DLGAP2: variants seen among roughly 807,000 people sequenced by gnomAD.
DLGAP2 encodes disks large-associated protein 2.
A neutral mutation model predicts 100.3 loss-of-function variants in DLGAP2; 26 were observed. That is an observed-to-expected ratio of 0.26 (90% CI 0.19 to 0.36). The LOEUF (loss-of-function observed/expected upper bound fraction) is 0.36. Ranked by LOEUF, DLGAP2 falls within the 10% of genes least tolerant of loss-of-function variation. The pLI, the probability that DLGAP2 is intolerant of heterozygous loss-of-function variation, is 1.00. For missense variants in DLGAP2, 1,858 were observed against 1,453.2 expected (o/e 1.28, Z -4.53); for synonymous variants, 886 against 630.1 (o/e 1.41, Z -6.08).
At chr8:1,300,228 A>T (rs558474044) in intron 3 of DLGAP2, 3 of 152,230 alleles carry the variant, frequency 2.0e-5, no homozygotes, top group East Asian at 3.9e-4. Context: ...CAAAGTGTGC[A>T]TATGTGTACA....
intron 2 of DLGAP2, among the ~76,000 whole-genome samples, chr8:1,022,621 T>G (rs1801660208): frequency 7.0e-6 from 1 of 142,730 alleles, no homozygotes. Flanking sequence ...CGTGCTTAGG[T>G]AGATGCTCCA....
intron 3 of DLGAP2, among the ~76,000 whole-genome samples, chr8:1,470,166 G>C (rs1798740615): frequency 6.6e-6 from 1 of 152,054 alleles, no homozygotes; most frequent in Non-Finnish European, 1.5e-5. Flanking sequence ...TGTCTCCAAA[G>C]AAAAGCCTCA....
intron 7 of DLGAP2, 144 bp downstream of exon 7, chr8:1,627,031 G>A: frequency 3.1e-6 from 3 of 968,848 alleles, no homozygotes; most frequent in Non-Finnish European, 4.5e-6. Flanking sequence ...GGTTCCCCTG[G>A]AATTAGCTCT....
intron 3 of DLGAP2, among the ~76,000 whole-genome samples, chr8:1,359,246 C>G (rs1350839113): frequency 6.6e-6 from 1 of 152,228 alleles, no homozygotes; most frequent in Non-Finnish European, 1.5e-5. Context: ...CGGGACGCAT[C>G]CCCTTCTCCT....
intron 2 of DLGAP2, among the ~76,000 whole-genome samples, chr8:1,206,862 A>G (rs1218212304): frequency 1.3e-5 from 2 of 152,114 alleles, no homozygotes; most frequent in East Asian, 3.9e-4. Context: ...TTCCTATGTC[A>G]GCCTTCTCAC....
intron 3 of DLGAP2, among the ~76,000 whole-genome samples, chr8:1,459,960 A>C (rs950821599): frequency 6.6e-6 from 1 of 152,182 alleles, no homozygotes; most frequent in African/African-American, 2.4e-5. Flanking sequence ...GGCAAAAAGT[A>C]CTCACAGAGG....
intron 2 of DLGAP2, among the ~76,000 whole-genome samples, chr8:1,244,515 A>G (rs1465112540): frequency 1.3e-5 from 2 of 152,240 alleles, no homozygotes; most frequent in Non-Finnish European, 2.9e-5. Context: ...CTGCCTCACC[A>G]AAGGGTCAAT....
chr8:1,286,301 A>G (rs1418378397), intron 3 of DLGAP2, among the ~76,000 whole-genome samples: 1 of 152,200 alleles, frequency 6.6e-6, no homozygotes, highest in Non-Finnish European at 1.5e-5. Context: ...CTTTGAGTCA[A>G]TTAAACTTCT....
At chr8:1,683,569 TATC>T (rs1190332597) in intron 12 of DLGAP2, among the ~76,000 whole-genome samples, 1 of 150,874 alleles carries the variant, frequency 6.6e-6, no homozygotes, top group Admixed American at 6.6e-5. Context: ...ATTTGACATT[TATC>T]ATCCACAGAC....
At chr8:1,219,679 T>C (rs1287662497) in intron 2 of DLGAP2, among the ~76,000 whole-genome samples, 1 of 152,070 alleles carries the variant, frequency 6.6e-6, no homozygotes, top group Non-Finnish European at 1.5e-5. Flanking sequence ...GGAATAGTTT[T>C]GTTGGTTTTG....
chr8:979,962 G>C (rs543876067), intron 2 of DLGAP2, among the ~76,000 whole-genome samples: 1 of 152,204 alleles, frequency 6.6e-6, no homozygotes, highest in Non-Finnish European at 1.5e-5. Context: ...GAGGCACGCA[G>C]AACCATGGAG....
chr8:962,354 C>G (rs773263733), intron 2 of DLGAP2, among the ~76,000 whole-genome samples: 1 of 152,186 alleles, frequency 6.6e-6, no homozygotes, highest in Non-Finnish European at 1.5e-5. Context: ...TCAGTGCCAT[C>G]CGGTCTCCAT....
intron 3 of DLGAP2, among the ~76,000 whole-genome samples, chr8:1,477,689 C>A (rs1421706939): frequency 3.3e-5 from 5 of 152,116 alleles, no homozygotes; most frequent in African/African-American, 4.8e-5. Context: ...TTATTTACTT[C>A]CCTGACATTT....
In DLGAP2 at chr8:1,294,155, G is replaced by A. The variant is rs564145290; in HGVS notation, c.106+35272G>A. 6.0e-4 allele frequency among the ~76,000 whole-genome samples: 91 copies of A among 152,236 alleles called. 1 individual carries two copies. In the Middle Eastern group the frequency reaches 0.014, roughly 23 times the overall value. On this transcript the variant is annotated intron_variant, in intron 3 of 14. Coordinates refer to ENST00000637795, the MANE Select transcript of DLGAP2 (RefSeq NM_001346810.2). ...CATCACCTCCCGAAACTGTATGGAG[G>A]AGCTGGTCTTCCCTCAGGGTCCCAC...
intron 2 of DLGAP2, among the ~76,000 whole-genome samples, chr8:1,115,852 A>T (rs531513651): frequency 6.6e-6 from 1 of 152,162 alleles, no homozygotes; most frequent in Non-Finnish European, 1.5e-5. Flanking sequence ...TCAGTCATTT[A>T]TCCCTGCCAC....
At chr8:1,578,318 T>C (rs1424129648) in intron 6 of DLGAP2, among the ~76,000 whole-genome samples, 1 of 152,178 alleles carries the variant, frequency 6.6e-6, no homozygotes, top group Non-Finnish European at 1.5e-5. Flanking sequence ...GACTTGCTAA[T>C]TGTATTTAAT....
chr8:879,623 C>T (rs1295773915), intron 1 of DLGAP2, among the ~76,000 whole-genome samples: 5 of 152,152 alleles, frequency 3.3e-5, no homozygotes, highest in African/African-American at 4.8e-5. Flanking sequence ...CACACAAATC[C>T]GTTCTTTAGT....
intron 1 of DLGAP2, among the ~76,000 whole-genome samples, chr8:907,424 C>A (rs1174735619): frequency 1.3e-5 from 2 of 152,176 alleles, no homozygotes; most frequent in East Asian, 1.9e-4. Context: ...CATTTTACTA[C>A]TGAAGTATGA....
At chr8:1,227,501 C>CT (rs200323661) in intron 2 of DLGAP2, among the ~76,000 whole-genome samples, 11,236 of 143,558 alleles carry the variant, frequency 0.078, 600 homozygotes, top group East Asian at 0.28. Context: ...CTTTTCTTTT[C>CT]TTTTTTTTTT....
Sources: gnomAD v4.1 joint callset for allele counts (sites outside exome capture counted in the v4.1 genomes callset) on GRCh38, gnomAD v4.1.1 for gene constraint, MANE v1.5 for transcripts, NCBI Gene and HGNC (gene_info 2026-07-23, HGNC 2026-07-21) for gene names.